The following PER3 variants were observed in gnomAD, a reference collection of about 807,000 sequenced individuals.
The protein encoded by PER3 is period circadian regulator 3.
Under a neutral mutation model 127.2 loss-of-function variants are expected in PER3, and 107 were observed. That is an observed-to-expected ratio of 0.84 (90% CI 0.72 to 0.99). The LOEUF is 0.99. Ranked by LOEUF, PER3 falls within the 50% of genes least tolerant of loss-of-function variation. The probability of loss-of-function intolerance (pLI) is 0.00; values close to 1 mark genes in which losing one functional copy is unlikely to be tolerated. For missense variants in PER3, 1,560 were observed against 1,525.8 expected (o/e 1.02, Z -0.37); for synonymous variants, 618 against 585.8 (o/e 1.05, Z -0.79).
Position 7,819,397 on chromosome 1 carries a change from C to A in PER3, c.1635C>A (p.Ile545=). The A allele has an allele frequency of 6.2e-7, 1 of 1,614,044 alleles. No homozygotes were observed. Among genetic ancestry groups the A allele is most frequent in the South Asian group, 1.1e-5 (1 of 91,080 alleles). Residue 545 remains isoleucine (I), a synonymous_variant, in exon 14 of 22, where the codon ATC becomes ATA. Transcript: ENST00000377532. ...NDEHSPSYQQ[I]NCIDSVIRYL... ...AGCACAGCCCATCCTATCAACAGAT[C>A]AACTGTATCGACAGTGTCATCAGGT...
intron 13 of PER3, among the ~76,000 whole-genome samples, chr1:7,816,013 A>AAG (rs2097248995): frequency 6.8e-6 from 1 of 147,470 alleles, no homozygotes; most frequent in Non-Finnish European, 1.5e-5. Flanking sequence ...AAAAAAAAAA[A>AAG]AAAATTGAAT....
Position 7,821,190 on chromosome 1 carries a change from C to T in PER3, c.1957+550C>T, listed in dbSNP as rs114023694. Among the ~76,000 whole-genome samples the T allele has an allele frequency of 3.3e-3, 507 of 152,318 alleles. 2 individuals carry two copies. The highest frequency in any genetic ancestry group is 0.012 in the African/African-American group (481 of 41,572). On this transcript the variant is annotated intron_variant, in intron 16 of 21. Transcript: ENST00000377532. ...CCACTTGTCCTTTTGACATTTTCAT[C>T]ACTCATAACAATTTGGGTAGATGAA... is the stretch of plus-strand genomic sequence containing the variant.
intron 16 of PER3, among the ~76,000 whole-genome samples, chr1:7,824,498 A>G (rs535638178): frequency 2.5e-4 from 36 of 143,738 alleles, no homozygotes; most frequent in African/African-American, 9.3e-4. Context: ...TAAACTGTAG[A>G]CTCAGTTTCT....
chr1:7,793,848 CCT>C, intron 5 of PER3, 107 bp from the exon 6 acceptor site: 2 of 900,664 alleles, frequency 2.2e-6, no homozygotes, highest in Non-Finnish European at 3.7e-6. Context: ...ATCAAGGAGA[CCT>C]CTCTCTCTTT....
intron 13 of PER3, among the ~76,000 whole-genome samples, chr1:7,817,553 C>A (rs1395174737): frequency 6.6e-6 from 1 of 152,124 alleles, no homozygotes; most frequent in Admixed American, 6.5e-5. Context: ...TAGGGTTGAA[C>A]AAATTGTGGA....
chr1:7,813,872 G>C (rs1278120597), intron 13 of PER3, among the ~76,000 whole-genome samples: 1 of 152,138 alleles, frequency 6.6e-6, no homozygotes, highest in Non-Finnish European at 1.5e-5. Context: ...GACTCAGAGA[G>C]GACACAGAAG....
Position 7,843,011 on chromosome 1 carries a change from C to A in PER3, c.*256C>A. The A allele has an allele frequency of 4.1e-6, 1 of 241,652 alleles. No individual in the cohort carries two copies. The highest frequency in any genetic ancestry group is 8.1e-6 in the Non-Finnish European group (1 of 123,384). The allele number at this position is 241,652 out of a possible 1,614,324, so 15.0% of individuals were successfully genotyped here. ...TTGTCTTCTAAAGAGATTGGATGGC[C>A]TCTAAAGAGGTATGTGTATCTTTAT... On this transcript the variant is annotated 3_prime_UTR_variant, in exon 22 of 22. Coordinates refer to ENST00000377532, the MANE Select transcript of PER3 (RefSeq NM_001377275.1).
Position 7,827,758 on chromosome 1 carries a change from C to CA in PER3, c.2830dup (p.Arg944LysfsTer4). The CA allele has an allele frequency of 6.2e-7, 1 of 1,614,032 alleles. No homozygotes were observed. Among genetic ancestry groups the CA allele is most frequent in the Non-Finnish European group, 8.5e-7 (1 of 1,180,020 alleles). On this transcript the variant is annotated frameshift_variant, in exon 18 of 22. Coordinates refer to ENST00000377532, the MANE Select transcript of PER3 (RefSeq NM_001377275.1). LOFTEE classifies it high-confidence loss of function. Reference sequence around the variant, plus strand: ...TAAACTTACTTCAGGAAGAGATGCCCAGACCCTCTGAATCTCCAGATCAGA... The same window carrying CA: ...TAAACTTACTTCAGGAAGAGATGCCCAAGACCCTCTGAATCTCCAGATCAGA...
chr1:7,835,827 C>T lies in PER3; in HGVS notation c.3280C>T (p.Gln1094Ter). The part of the protein sequence containing the change: ...VYSSKISQNG[Q>*]QSQDVQKKET... ...TTCTTCTAAAATCTCCCAAAATGGG[C>T]AGCAATCTCAGGACGTACAGAAAAA... is the stretch of plus-strand genomic sequence containing the variant. The change falls in exon 20 of 22, where the codon CAG becomes TAG. Residue 1094 changes from glutamine (Q) to a stop codon, truncating the protein, a stop_gained. Coordinates refer to ENST00000377532, the MANE Select transcript of PER3 (RefSeq NM_001377275.1). LOFTEE classifies it high-confidence loss of function. 2 of 1,611,374 alleles carry T rather than the reference C, an allele frequency of 1.2e-6. No individual in the cohort carries two copies. The highest frequency in any genetic ancestry group is 1.7e-6 in the Non-Finnish European group (2 of 1,177,562).
chr1:7,805,644 C>A (rs1489135975), intron 10 of PER3, among the ~76,000 whole-genome samples: 1 of 152,184 alleles, frequency 6.6e-6, no homozygotes, highest in African/African-American at 2.4e-5. Context: ...CCATACCCCC[C>A]AAGTACGGAA....
chr1:7,790,785 G>T (rs575567254), intron 5 of PER3, among the ~76,000 whole-genome samples: 2 of 152,270 alleles, frequency 1.3e-5, no homozygotes, highest in African/African-American at 4.8e-5. Context: ...CATTTCAAAT[G>T]GGAGAAATTG....
chr1:7,837,003 AAAG>A lies in PER3; in HGVS notation c.3407_3409del (p.Glu1136del). 1 of 1,612,214 alleles carries A rather than the reference AAAG, an allele frequency of 6.2e-7. No individual in the cohort carries two copies. Among genetic ancestry groups the A allele is most frequent in the Non-Finnish European group, 8.5e-7 (1 of 1,179,066 alleles). ...ATTCTGTTTGTTTGTTTTCAGGGTT[AAAG>A]AAGTTGTACTAAAAGAAGACCTGGA... is the stretch of plus-strand genomic sequence containing the variant. On this transcript the variant is annotated inframe_deletion, in exon 21 of 22. Transcript: ENST00000377532.
chr1:7,820,060 A>C (rs1194740012), intron 14 of PER3, 55 bp from the exon 15 acceptor site: 1 of 1,578,164 alleles, frequency 6.3e-7, no homozygotes, highest in Non-Finnish European at 8.6e-7. Context: ...AAGAGGTGGG[A>C]AATGGCACAA....
chr1:7,820,171 A>G lies in PER3; in HGVS notation c.1715A>G (p.Asn572Ser). Reference protein sequence around the residue: ...ALKRKCISCTNTTSSSSEEDK... With the variant: ...ALKRKCISCTSTTSSSSEEDK... ...AAAAGAAAGTGTATCTCCTGTACAAATACAACTTCTTCCTCCTCAGAAGAA... is the reference window on the plus strand; with the variant it reads ...AAAAGAAAGTGTATCTCCTGTACAAGTACAACTTCTTCCTCCTCAGAAGAA... The change falls in exon 15 of 22, where the codon AAT becomes AGT. Residue 572 changes from asparagine to serine, a missense_variant. This residue lies in a region of PER3 where 1,332 missense variants were observed against 1,223.6 expected (regional missense o/e 1.09). Coordinates refer to ENST00000377532, the MANE Select transcript of PER3 (RefSeq NM_001377275.1). 6.2e-7 allele frequency: 1 copy of G among 1,613,560 alleles called. No homozygotes were observed. The highest frequency in any genetic ancestry group is 8.5e-7 in the Non-Finnish European group (1 of 1,179,452).
At chr1:7,829,155 A>G (rs989625796) in intron 18 of PER3, among the ~76,000 whole-genome samples, 1 of 152,222 alleles carries the variant, frequency 6.6e-6, no homozygotes, top group Non-Finnish European at 1.5e-5. Flanking sequence ...TTTCAAACCC[A>G]TGGTGGATGC....
In PER3 at chr1:7,787,544, T is replaced by C. The variant is rs2097097838; in HGVS notation, c.391-501T>C. On this transcript the variant is annotated intron_variant, in intron 4 of 21. Transcript: ENST00000377532. Reference sequence around the variant, plus strand: ...TATTTGTCTTTTAAGATATTTAAAATAAAGCTAGAGAGGAAAGTATGCCAA... The same window carrying C: ...TATTTGTCTTTTAAGATATTTAAAACAAAGCTAGAGAGGAAAGTATGCCAA... 2 of 386,788 alleles carry C rather than the reference T, an allele frequency of 5.2e-6. 1 individual carries two copies. Among genetic ancestry groups the C allele is most frequent in the South Asian group, 3.9e-5 (2 of 50,870 alleles). 24.0% of individuals were successfully genotyped at this position (386,788 alleles called of 1,614,324 possible).
intron 5 of PER3, among the ~76,000 whole-genome samples, chr1:7,791,309 C>G (rs1056530235): frequency 6.6e-6 from 1 of 152,232 alleles, no homozygotes; most frequent in African/African-American, 2.4e-5. Context: ...GGACCAACAC[C>G]ATATGGAAGC....
Position 7,785,432 on chromosome 1 carries a change from A to G in PER3, c.129-9A>G, listed in dbSNP as rs778940805. 5 of 1,605,660 alleles carry G rather than the reference A, an allele frequency of 3.1e-6. No individual in the cohort carries two copies. On this transcript the variant is annotated splice_polypyrimidine_tract_variant and intron_variant, in intron 2 of 21. Transcript: ENST00000377532. ...GAGGATGAAGTTGTAATTTTTTTTT[A>G]TCTTCCAGTGAACAGCAAGATCGAA... is the stretch of plus-strand genomic sequence containing the variant.
At chr1:7,785,088 A>C in intron 2 of PER3, 83 bp downstream of exon 2, 2 of 1,454,344 alleles carry the variant, frequency 1.4e-6, no homozygotes, top group African/African-American at 2.9e-5. Context: ...AAATCTTTTT[A>C]TTCTTTTGTT....
Sources: allele counts gnomAD v4.1 joint callset (sites outside exome capture counted in the v4.1 genomes callset), GRCh38; gene constraint gnomAD v4.1.1; regional missense constraint gnomAD v4.1.1; transcripts MANE v1.5; gene names NCBI Gene and HGNC (gene_info 2026-07-23, HGNC 2026-07-21).